The following XXYLT1 variants were observed in gnomAD, a reference collection of about 807,000 sequenced individuals.
XXYLT1 encodes xyloside xylosyltransferase 1.
In XXYLT1, 20 loss-of-function variants were observed where a neutral mutation model predicts 28.9. That is an observed-to-expected ratio of 0.69 (90% CI 0.49 to 1.00). The LOEUF (loss-of-function observed/expected upper bound fraction) is 1.00. XXYLT1 is among the 50% of genes least tolerant of loss of function. XXYLT1 has a pLI of 0.00. For missense variants in XXYLT1, 542 were observed against 560.1 expected (o/e 0.97, Z 0.33); for synonymous variants, 257 against 253.8 (o/e 1.01, Z -0.12).
In XXYLT1 at chr3:195,106,390, C is replaced by T. The variant is rs138386312; in HGVS notation, c.786-36279G>A. ...CCGCACTCCCACCTAACCCTCACCC[C>T]CAACCCCCTGAAAGGTTCTGGCCCC... On this transcript the variant is annotated intron_variant, in intron 3 of 3. Coordinates refer to ENST00000310380, the MANE Select transcript of XXYLT1 (RefSeq NM_152531.5). 1.6e-3 allele frequency among the ~76,000 whole-genome samples: 245 copies of T among 149,776 alleles called. 3 individuals are homozygous for T. Among genetic ancestry groups the T allele is most frequent in the African/African-American group, 4.0e-3 (156 of 39,400 alleles).
chr3:195,143,666 C>A (rs1476813113), intron 3 of XXYLT1, among the ~76,000 whole-genome samples: 1 of 150,914 alleles, frequency 6.6e-6, no homozygotes, highest in Non-Finnish European at 1.5e-5. Flanking sequence ...AATTAAACTG[C>A]TGCAGGCTGT....
At chr3:195,186,900 T>G (rs1338447390) in intron 2 of XXYLT1, among the ~76,000 whole-genome samples, 2 of 151,370 alleles carry the variant, frequency 1.3e-5, no homozygotes, top group Admixed American at 1.3e-4. Flanking sequence ...GCTGAAGTTT[T>G]TTTTTTTTTT....
chr3:195,090,495 A>C (rs1379545917), intron 3 of XXYLT1, among the ~76,000 whole-genome samples: 14 of 150,506 alleles, frequency 9.3e-5, no homozygotes, highest in Admixed American at 7.9e-4. Flanking sequence ...CAAAGACACA[A>C]CATACCAGAA....
intron 3 of XXYLT1, among the ~76,000 whole-genome samples, chr3:195,110,457 G>A (rs1342836057): frequency 6.9e-6 from 1 of 144,524 alleles, no homozygotes; most frequent in African/African-American, 2.6e-5. Flanking sequence ...TAAAGTGTGT[G>A]TGGTGTGTGG....
chr3:195,252,266 G>A (rs1725285685), intron 1 of XXYLT1, among the ~76,000 whole-genome samples: 1 of 152,126 alleles, frequency 6.6e-6, no homozygotes. Flanking sequence ...AATACCTCTG[G>A]AGGGAGTAGG....
At chr3:195,140,304 T>C (rs930843202) in intron 3 of XXYLT1, among the ~76,000 whole-genome samples, 8 of 152,160 alleles carry the variant, frequency 5.3e-5, no homozygotes, top group African/African-American at 1.4e-4. Flanking sequence ...CACCACCCAA[T>C]AGAGAAAGCC....
At position 195,257,896 on chromosome 3, in the gene XXYLT1, GC is replaced by G. The variant is rs1002424282; in HGVS notation, c.504+12658del. Among the ~76,000 whole-genome samples, 1 of 151,974 alleles carries G rather than the reference GC, an allele frequency of 6.6e-6. No individual in the cohort carries two copies. The highest frequency in any genetic ancestry group is 2.4e-5 in the African/African-American group (1 of 41,358). ...TGGGTGTATATCCTCCAAGCTCCCT[GC>G]CCCCCAGCCAGCCTCTCCATCCTCA... is the stretch of plus-strand genomic sequence containing the variant. On this transcript the variant is annotated intron_variant, in intron 1 of 3. Transcript: ENST00000310380. The surrounding 1 kb of genome is among the most constrained non-coding windows in gnomAD (Gnocchi z 4.3).
At chr3:195,267,134 G>A (rs540146565) in intron 1 of XXYLT1, among the ~76,000 whole-genome samples, 100 of 152,380 alleles carry the variant, frequency 6.6e-4, no homozygotes, top group African/African-American at 2.3e-3. Context: ...GCTACAAGGT[G>A]TTTCTATGCC....
intron 2 of XXYLT1, among the ~76,000 whole-genome samples, chr3:195,191,263 A>G (rs957211410): frequency 3.9e-5 from 6 of 152,040 alleles, no homozygotes; most frequent in African/African-American, 1.4e-4. Context: ...CACCTCTGCC[A>G]CCCCTCAGAA....
In XXYLT1 at chr3:195,088,192, G is replaced by A. The variant is rs926327485; in HGVS notation, c.786-18081C>T. Among the ~76,000 whole-genome samples, 13 of 151,762 alleles carry A rather than the reference G, an allele frequency of 8.6e-5. No homozygotes were observed. The East Asian group carries it at 2.0e-3, about 23-fold the overall frequency. The stretch of plus-strand genomic sequence containing the variant: ...CTGGGTGGAGCCCACCACAGCTCAA[G>A]GAGGCCTGCCTGCCTCTGTAGGCTC... On this transcript the variant is annotated intron_variant, in intron 3 of 3. Transcript: ENST00000310380.
At chr3:195,220,877 C>T (rs1723795112) in intron 2 of XXYLT1, among the ~76,000 whole-genome samples, 1 of 152,134 alleles carries the variant, frequency 6.6e-6, no homozygotes, top group Non-Finnish European at 1.5e-5. Flanking sequence ...GCATGGATGA[C>T]ATAGAGTGAC....
rs919022816 is a variant in XXYLT1, at chr3:195,168,536, A to G, written c.653-11955T>C. 5.3e-5 allele frequency among the ~76,000 whole-genome samples: 8 copies of G among 152,178 alleles called. No individual in the cohort carries two copies. The highest frequency in any genetic ancestry group is 5.9e-5 in the Non-Finnish European group (4 of 68,028). On this transcript the variant is annotated intron_variant, in intron 2 of 3. Transcript: ENST00000310380. The surrounding 1 kb of genome is among the most constrained non-coding windows in gnomAD (Gnocchi z 4.3). ...TCCATCCTACCCTGGTCCTGAGGGCAGCAGCCCTGCTCCCCAGTCACCCAG... is the reference window on the plus strand; with the variant it reads ...TCCATCCTACCCTGGTCCTGAGGGCGGCAGCCCTGCTCCCCAGTCACCCAG...
rs1304624747 is a variant in XXYLT1 at position 195,226,740 on chromosome 3, G to C, written c.621C>G (p.Leu207=). Residue 207 remains leucine (L), a synonymous_variant, in exon 2 of 4, where the codon CTC becomes CTG. Transcript: ENST00000310380. Reference sequence around the variant, plus strand: ...GCATGATCTGATGCATGGCGACCGAGAGGAAGAAGATGGAGTCACTGTAGT... The same window carrying C: ...GCATGATCTGATGCATGGCGACCGACAGGAAGAAGATGGAGTCACTGTAGT... The part of the protein sequence containing the change: ...GTYYSDSIFF[L]SVAMHQIMPK... 2 of 1,613,912 alleles carry C rather than the reference G, an allele frequency of 1.2e-6. No homozygotes were observed. The highest frequency in any genetic ancestry group is 3.3e-5 in the Admixed American group (2 of 59,960).
intron 3 of XXYLT1, among the ~76,000 whole-genome samples, chr3:195,117,210 A>G (rs1718092849): frequency 6.6e-6 from 1 of 152,058 alleles, no homozygotes; most frequent in African/African-American, 2.4e-5. Context: ...CTAGCTCGGA[A>G]GGACACATAC....
chr3:195,158,183 T>C lies in XXYLT1; in HGVS notation c.653-1602A>G, dbSNP rs569275714. Among the ~76,000 whole-genome samples, 4 of 152,284 alleles carry C rather than the reference T, an allele frequency of 2.6e-5. No individual in the cohort carries two copies. The South Asian group carries it at 8.3e-4, about 32-fold the overall frequency. On this transcript the variant is annotated intron_variant, in intron 2 of 3. Transcript: ENST00000310380. ...ACAGGTGCTCTCTCTTTCAAGGCCA[T>C]CTAAACTCTACTTATTCTGCAAGCA...
chr3:195,235,891 T>TATAGACATAGACATAGACATAGAC (rs3988214), intron 1 of XXYLT1, among the ~76,000 whole-genome samples: 11 of 144,720 alleles, frequency 7.6e-5, no homozygotes, highest in East Asian at 2.1e-4. Flanking sequence ...TCTATAAATA[T>TATAGACATAGACATAGACATAGAC]ATAGACATAG....
Position 195,221,002 on chromosome 3 carries a change from T to C in XXYLT1, c.652+5707A>G, listed in dbSNP as rs1368139852. ...GGTCAACAGCAACAGTGATAAACCATGTACCCTTGATAGAATGTGGTGTGT... is the reference window on the plus strand; with the variant it reads ...GGTCAACAGCAACAGTGATAAACCACGTACCCTTGATAGAATGTGGTGTGT... On this transcript the variant is annotated intron_variant, in intron 2 of 3. Transcript: ENST00000310380. Among the ~76,000 whole-genome samples the C allele has an allele frequency of 2.6e-5, 4 of 152,168 alleles. 1 individual carries two copies. Among genetic ancestry groups the C allele is most frequent in the Admixed American group, 2.0e-4 (3 of 15,280 alleles).
In XXYLT1 at chr3:195,143,837, GATATAGATATAT is replaced by G. The variant is rs1204402888; in HGVS notation, c.785+12600_785+12611del. Among the ~76,000 whole-genome samples the G allele has an allele frequency of 3.4e-3, 239 of 70,424 alleles. 22 individuals carry two copies. Among genetic ancestry groups the G allele is most frequent in the African/African-American group, 8.4e-3 (157 of 18,716 alleles). 46.2% of individuals were successfully genotyped at this position (70,424 alleles called of 152,430 possible). ...ATAGATATAGATATATATAGATATA[GATATAGATATAT>G]ATATAGATATATATAGATATAGATA... On this transcript the variant is annotated intron_variant, in intron 3 of 3. Transcript: ENST00000310380.
In XXYLT1 at chr3:195,157,574, C is replaced by T. The variant is rs540398863; in HGVS notation, c.653-993G>A. Among the ~76,000 whole-genome samples the T allele has an allele frequency of 1.8e-4, 27 of 152,292 alleles. No individual in the cohort carries two copies. In the East Asian group the frequency reaches 2.9e-3, roughly 16 times the overall value. ...TAGAAGCACAGGAGGGAGGCACTGG[C>T]GAAGGTCATTCCCCTATCCTTCACC... On this transcript the variant is annotated intron_variant, in intron 2 of 3. Coordinates refer to ENST00000310380, the MANE Select transcript of XXYLT1 (RefSeq NM_152531.5).
Sources: allele counts gnomAD v4.1 joint callset (sites outside exome capture counted in the v4.1 genomes callset), GRCh38; gene constraint gnomAD v4.1.1; non-coding constraint Gnocchi (gnomAD v3.1); transcripts MANE v1.5; gene names NCBI Gene and HGNC (gene_info 2026-07-23, HGNC 2026-07-21).